SOX6: variants seen among roughly 807,000 people sequenced by gnomAD.
SOX6 encodes transcription factor SOX-6.
A neutral mutation model predicts 97.8 loss-of-function variants in SOX6; 11 were observed. That is an observed-to-expected ratio of 0.11 (90% CI 0.07 to 0.19). SOX6 has a LOEUF of 0.19. Ranked by LOEUF, SOX6 falls within the 10% of genes least tolerant of loss-of-function variation. The pLI is 1.00. For synonymous variants in SOX6, 360 were observed against 371.4 expected, an observed-to-expected ratio of 0.97 and a Z score of 0.35; for missense variants, 810 against 1,039.5, an observed-to-expected ratio of 0.78 and a Z score of 3.04.
chr11:16,242,893 G>C (rs1262377320), intron 3 of SOX6, among the ~76,000 whole-genome samples: 3 of 151,832 alleles, frequency 2.0e-5, no homozygotes, highest in African/African-American at 4.8e-5. Flanking sequence ...GTTTGACCCT[G>C]CTGATTAAGT....
chr11:16,049,897 G>C lies in SOX6; in HGVS notation c.1293C>G (p.Pro431=). The C allele has an allele frequency of 1.2e-6, 2 of 1,613,710 alleles. No homozygotes were observed. The highest frequency in any genetic ancestry group is 1.7e-6 in the Non-Finnish European group (2 of 1,179,764). The change falls in exon 11 of 16, where the codon CCC becomes CCG. Residue 431 remains proline, a synonymous_variant. Coordinates refer to ENST00000683767, the MANE Select transcript of SOX6 (RefSeq NM_001367873.1). The part of the protein sequence containing the change: ...AAQPLNLSSR[P]KTAEPVKSPT... ...GGGACTTTACAGGCTCTGCTGTCTTGGGTCGGGATGAGAGATTCAGAGGCT... is the reference window on the plus strand; with the variant it reads ...GGGACTTTACAGGCTCTGCTGTCTTCGGTCGGGATGAGAGATTCAGAGGCT...
Position 16,591,314 on chromosome 11 carries a change from GATAC to G in SOX6, n.609+20763_609+20766del, listed in dbSNP as rs1453749005. On this transcript the variant is annotated intron_variant and non_coding_transcript_variant, in intron 4 of 5. Coordinates refer to the SOX6 transcript ENST00000524520. ...AACACATAGATTAGATAAATGGTTA[GATAC>G]ATAGATAGATAGATAGATAGATAGA... 1.7e-3 allele frequency among the ~76,000 whole-genome samples: 221 copies of G among 133,114 alleles called. 2 individuals are homozygous for G. Among genetic ancestry groups the G allele is most frequent in the Non-Finnish European group, 4.8e-4 (30 of 62,490 alleles). 87.3% of individuals were successfully genotyped at this position (133,114 alleles called of 152,430 possible).
At chr11:16,265,849 GA>G (rs1854069694) in intron 3 of SOX6, among the ~76,000 whole-genome samples, 1 of 151,564 alleles carries the variant, frequency 6.6e-6, no homozygotes, top group Non-Finnish European at 1.5e-5. Flanking sequence ...AAATATTGCA[GA>G]AAAAATTAGT....
At chr11:16,630,501 T>C (rs1053550490) in intron 3 of SOX6, among the ~76,000 whole-genome samples, 2 of 152,116 alleles carry the variant, frequency 1.3e-5, no homozygotes, top group African/African-American at 4.8e-5. Flanking sequence ...ACTTGCTTTA[T>C]GGTCAAGCAT....
At chr11:16,653,193 A>G (rs1847677895) in intron 3 of SOX6, among the ~76,000 whole-genome samples, 1 of 152,212 alleles carries the variant, frequency 6.6e-6, no homozygotes, top group South Asian at 2.1e-4. Flanking sequence ...TACAACCACT[A>G]TGGAAAACAG....
chr11:16,419,605 A>G (rs1424340367), intron 1 of SOX6, among the ~76,000 whole-genome samples: 2 of 152,160 alleles, frequency 1.3e-5, no homozygotes, highest in Non-Finnish European at 2.9e-5. Context: ...CTTACAGAGA[A>G]ACACCCTCCC....
At chr11:16,466,856 G>A (rs1221068095) in intron 1 of SOX6, among the ~76,000 whole-genome samples, 1 of 146,656 alleles carries the variant, frequency 6.8e-6, no homozygotes, top group African/African-American at 2.5e-5. Flanking sequence ...GCGTGAACCC[G>A]GGAGGCGGAG....
chr11:15,973,002 G>A lies in SOX6; in HGVS notation c.2294C>T (p.Thr765Ile), dbSNP rs765657033. Residue 765 changes from threonine (T) to isoleucine (I), a missense_variant, in exon 16 of 16, where the codon ACC becomes ATC. Physicochemically the swap from Thr to Ile is moderately conservative, Grantham distance 89. Coordinates refer to ENST00000683767, the MANE Select transcript of SOX6 (RefSeq NM_001367873.1). Reference sequence around the variant, plus strand: ...GAGGCTGGGCTCCGGGCTGGCCGAGGTGCTAGAGCAGTCAGATGTCATCTG... The same window carrying A: ...GAGGCTGGGCTCCGGGCTGGCCGAGATGCTAGAGCAGTCAGATGTCATCTG... Reference protein sequence around the residue: ...SPQMTSDCSSTSASPEPSLPV... With the variant: ...SPQMTSDCSSISASPEPSLPV... 1 of 1,614,156 alleles carries A rather than the reference G, an allele frequency of 6.2e-7. No homozygotes were observed. The highest frequency in any genetic ancestry group is 8.5e-7 in the Non-Finnish European group (1 of 1,180,018).
chr11:16,688,648 T>C (rs1486567733), intron 3 of SOX6, among the ~76,000 whole-genome samples: 2 of 152,242 alleles, frequency 1.3e-5, no homozygotes, highest in South Asian at 4.1e-4. Flanking sequence ...CATGTCTTTG[T>C]GTAGTCTTTC....
chr11:16,044,950 ATCTATCTG>A (rs1346662159), intron 12 of SOX6, among the ~76,000 whole-genome samples: 4 of 145,676 alleles, frequency 2.7e-5, no homozygotes, highest in African/African-American at 1.0e-4. Flanking sequence ...TTATCTATCT[ATCTATCTG>A]TCTATCTGTC....
chr11:16,422,471 C>G (rs1859038162), intron 1 of SOX6, among the ~76,000 whole-genome samples: 1 of 152,162 alleles, frequency 6.6e-6, no homozygotes, highest in Non-Finnish European at 1.5e-5. Flanking sequence ...GAATAAGACA[C>G]AGTTCTGGTC....
At chr11:16,731,375 G>A (rs1197002789) in intron 2 of SOX6, among the ~76,000 whole-genome samples, 1 of 152,154 alleles carries the variant, frequency 6.6e-6, no homozygotes, top group Admixed American at 6.6e-5. Flanking sequence ...AAATCCAGCA[G>A]CACATGAAAA....
intron 1 of SOX6, among the ~76,000 whole-genome samples, chr11:16,350,769 A>G (rs935064306): frequency 2.0e-5 from 3 of 152,276 alleles, no homozygotes; most frequent in South Asian, 2.1e-4. Context: ...TTTAATTAAA[A>G]AACAAGTTAA....
At chr11:16,015,305 T>C (rs1441079816) in intron 12 of SOX6, 4 of 519,060 alleles carry the variant, frequency 7.7e-6, no homozygotes, top group South Asian at 6.4e-5. Flanking sequence ...TCTATGCATA[T>C]CTTCTCTCTG....
At chr11:16,282,068 C>T (rs1222483041) in intron 3 of SOX6, among the ~76,000 whole-genome samples, 1 of 149,288 alleles carries the variant, frequency 6.7e-6, no homozygotes, top group Non-Finnish European at 1.5e-5. Context: ...ACATACAATG[C>T]ACACTAGATG....
chr11:16,177,382 T>C (rs1851221629), intron 6 of SOX6, among the ~76,000 whole-genome samples: 1 of 151,972 alleles, frequency 6.6e-6, no homozygotes, highest in South Asian at 2.1e-4. Context: ...TAGAGAACTA[T>C]CTTCATAATT....
chr11:16,073,832 T>C (rs563006341), intron 9 of SOX6, among the ~76,000 whole-genome samples: 38 of 152,220 alleles, frequency 2.5e-4, no homozygotes, highest in Non-Finnish European at 5.0e-4. Flanking sequence ...AACATGCTCC[T>C]GGATGACTTT....
chr11:16,060,575 T>C (rs1378937227), intron 9 of SOX6, among the ~76,000 whole-genome samples: 1 of 151,974 alleles, frequency 6.6e-6, no homozygotes, highest in South Asian at 2.1e-4. Context: ...GATTTTAGTA[T>C]AAATATCATT....
rs374535804 is a variant in SOX6 at position 15,988,390 on chromosome 11, C to T, written c.1966+607G>A. ...CAAACTGGGCCTCTCCCCTGCAGCT[C>T]GTGTGTTCAGCTCACTGCTATGAAA... On this transcript the variant is annotated intron_variant, in intron 14 of 15. Coordinates refer to ENST00000683767, the MANE Select transcript of SOX6 (RefSeq NM_001367873.1). Among the ~76,000 whole-genome samples, 6 of 152,284 alleles carry T rather than the reference C, an allele frequency of 3.9e-5. No individual in the cohort carries two copies. In the South Asian group the frequency reaches 1.2e-3, roughly 32 times the overall value.
Sources: allele counts gnomAD v4.1 joint callset (sites outside exome capture counted in the v4.1 genomes callset), GRCh38; gene constraint gnomAD v4.1.1; transcripts MANE v1.5; gene names NCBI Gene and HGNC (gene_info 2026-07-23, HGNC 2026-07-21).